ANKRD36: variants seen among roughly 807,000 people sequenced by gnomAD.
The protein encoded by ANKRD36 is ankyrin repeat domain-containing protein 36A.
ANKRD36 carries 179 observed loss-of-function variants against 278.1 expected under a neutral mutation model. The observed-to-expected ratio is 0.64, with a 90% CI of 0.57 to 0.73. ANKRD36 has a LOEUF of 0.73. ANKRD36 is among the 30% of genes least tolerant of loss of function. The probability of loss-of-function intolerance (pLI) is 0.00; values close to 1 mark genes in which losing one functional copy is unlikely to be tolerated. For synonymous variants in ANKRD36, 320 were observed against 641.1 expected, an observed-to-expected ratio of 0.50 and a Z score of 7.57; for missense variants, 1,159 against 1,956.7, an observed-to-expected ratio of 0.59 and a Z score of 7.69.
intron 6 of ANKRD36, among the ~76,000 whole-genome samples, chr2:97,141,625 T>C (rs2042932860): frequency 7.2e-6 from 1 of 138,360 alleles, no homozygotes; most frequent in Middle Eastern, 3.5e-3. Flanking sequence ...TTTGTTACTA[T>C]TGGGAATCAG....
At chr2:97,171,108 G>A (rs1184101539) in intron 22 of ANKRD36, among the ~76,000 whole-genome samples, 2 of 138,056 alleles carry the variant, frequency 1.4e-5, no homozygotes, top group African/African-American at 2.7e-5. Context: ...TGGTGGGACT[G>A]TAAACTAGTT....
In ANKRD36 at chr2:97,211,434, G is replaced by C. The variant is rs1440905662; in HGVS notation, c.3368-112G>C. On this transcript the variant is annotated intron_variant, in intron 56 of 75. Coordinates refer to ENST00000420699, the MANE Select transcript of ANKRD36 (RefSeq NM_001354587.1). ...CAGACACAAAGTAGAAGCCGTCAAG[G>C]CCTACACTAATACAGGCTGGGGGAC... The C allele has an allele frequency of 3.4e-6, 5 of 1,489,038 alleles. No homozygotes were observed. In the African/African-American group the frequency reaches 5.6e-5, roughly 17 times the overall value. 92.2% of individuals were successfully genotyped at this position (1,489,038 alleles called of 1,614,324 possible).
In ANKRD36 at chr2:97,198,698, A is replaced by C. The variant is rs1345613710; in HGVS notation, c.2755+40A>C. 6 of 1,513,932 alleles carry C rather than the reference A, an allele frequency of 4.0e-6. No homozygotes were observed. In the African/African-American group the frequency reaches 8.3e-5, roughly 21 times the overall value. 93.8% of individuals were successfully genotyped at this position (1,513,932 alleles called of 1,614,324 possible). ...AGATTTAATGTCATGTTCAGTGCAG[A>C]TAGATAAGAAGTTCTCTTCCCTGAA... is the stretch of plus-strand genomic sequence containing the variant. On this transcript the variant is annotated intron_variant, in intron 44 of 75. Transcript: ENST00000420699.
At chr2:97,203,927 TC>T in intron 48 of ANKRD36, 140 bp from the exon 49 acceptor site, 1 of 1,356,078 alleles carries the variant, frequency 7.4e-7, no homozygotes, top group Non-Finnish European at 1.0e-6. Context: ...CACGTTCTAA[TC>T]CCCAGACCAA....
intron 44 of ANKRD36, among the ~76,000 whole-genome samples, chr2:97,199,859 A>C (rs1202180489): frequency 6.6e-6 from 1 of 151,908 alleles, no homozygotes; most frequent in African/African-American, 2.4e-5. Flanking sequence ...GTTCAACTGG[A>C]GTGTCATCGT....
In ANKRD36 at chr2:97,149,303, A is replaced by T. The variant is rs896660763; in HGVS notation, c.1043A>T (p.Tyr348Phe). The change falls in exon 12 of 76, where the codon TAC (tyrosine) becomes TTC (phenylalanine). Residue 348 changes from tyrosine (Y) to phenylalanine (F), a missense_variant. Transcript: ENST00000420699. ...AVEQCLNRSL[Y>F]RPDAVAQPVT... The stretch of plus-strand genomic sequence containing the variant: ...ATCTTTTTGCTCTGTAGGAGTCTCT[A>T]CAGACCTGATGCTGTTGCACAGCCT... 6.5e-7 allele frequency: 1 copy of T among 1,534,214 alleles called. No homozygotes were observed. The highest frequency in any genetic ancestry group is 8.7e-7 in the Non-Finnish European group (1 of 1,145,440).
intron 17 of ANKRD36, 45 bp from the exon 18 acceptor site, chr2:97,162,054 A>C: frequency 6.9e-7 from 1 of 1,442,992 alleles, no homozygotes. Flanking sequence ...CTGATTGAGT[A>C]GTAAATATAA....
chr2:97,224,606 C>G (rs1174872806), intron 66 of ANKRD36, among the ~76,000 whole-genome samples, 200 bp from the exon 67 acceptor site: 1 of 151,990 alleles, frequency 6.6e-6, no homozygotes, highest in Non-Finnish European at 1.5e-5. Flanking sequence ...CCCGCCACCA[C>G]GCCCAGCTAA....
chr2:97,129,322 G>A (rs1286677161), intron 6 of ANKRD36, among the ~76,000 whole-genome samples: 1 of 151,896 alleles, frequency 6.6e-6, no homozygotes, highest in Non-Finnish European at 1.5e-5. Context: ...GGGGTTGTTT[G>A]TTTTTTTCTT....
Position 97,219,234 on chromosome 2 carries a change from A to G in ANKRD36, c.3865A>G (p.Thr1289Ala). The change falls in exon 66 of 76, where the codon ACA becomes GCA. Residue 1289 changes from threonine (T) to alanine (A), a missense_variant. Transcript: ENST00000420699. ...AGCCACCAAAATGAAGGATGTACAA[A>G]CATCCACACCAGGTAAACTTTGCAT... is the stretch of plus-strand genomic sequence containing the variant. ...NTATKMKDVQ[T>A]STPAEQDLEM... The G allele has an allele frequency of 6.4e-7, 1 of 1,570,666 alleles. No individual in the cohort carries two copies. The highest frequency in any genetic ancestry group is 2.4e-5 in the East Asian group (1 of 42,118).
intron 18 of ANKRD36, chr2:97,163,765 CG>C (rs2049846097): frequency 3.6e-6 from 1 of 278,666 alleles, no homozygotes; most frequent in Non-Finnish European, 4.6e-6. Flanking sequence ...TTAGTAGAGA[CG>C]GGGTTTCACC....
intron 62 of ANKRD36, 122 bp from the exon 63 acceptor site, chr2:97,217,055 A>G (rs772626325): frequency 4.4e-5 from 67 of 1,522,296 alleles, no homozygotes; most frequent in Middle Eastern, 2.3e-4. Context: ...ACAAAGTAGG[A>G]AACATCAAAT....
At position 97,179,700 on chromosome 2, in the gene ANKRD36, T is replaced by A. The variant is rs754264389; in HGVS notation, c.1634-38T>A. The stretch of plus-strand genomic sequence containing the variant: ...TTATGTATGGATAACATTATCATAT[T>A]TACATATGATTGATTATGTATCCCT... On this transcript the variant is annotated intron_variant, in intron 22 of 75. Transcript: ENST00000420699. The A allele has an allele frequency of 1.3e-5, 20 of 1,591,226 alleles. No homozygotes were observed. In the East Asian group the frequency reaches 4.5e-4, roughly 36 times the overall value.
At chr2:97,232,866 A>T (rs1250046120) in intron 67 of ANKRD36, among the ~76,000 whole-genome samples, 2 of 152,202 alleles carry the variant, frequency 1.3e-5, no homozygotes, top group South Asian at 4.2e-4. Flanking sequence ...ATAAAAGAAG[A>T]CAAATAGGTT....
At chr2:97,205,539 G>A (rs1322628285) in intron 50 of ANKRD36, among the ~76,000 whole-genome samples, 1 of 151,514 alleles carries the variant, frequency 6.6e-6, no homozygotes, top group Non-Finnish European at 1.5e-5. Flanking sequence ...TAGTATAATT[G>A]TGTAAATCCT....
At chr2:97,206,011 G>A (rs1275333815) in intron 51 of ANKRD36, 43 bp downstream of exon 51, 1 of 1,545,018 alleles carries the variant, frequency 6.5e-7, no homozygotes, top group South Asian at 1.2e-5. Flanking sequence ...TTAATATATG[G>A]TCTATGAAAC....
At chr2:97,173,807 A>G (rs2053411476) in intron 22 of ANKRD36, among the ~76,000 whole-genome samples, 1 of 151,590 alleles carries the variant, frequency 6.6e-6, no homozygotes, top group Admixed American at 6.6e-5. Context: ...ACAGGGTCTC[A>G]TTTCTTCTCC....
At chr2:97,227,886 G>A (rs1455510686) in intron 67 of ANKRD36, among the ~76,000 whole-genome samples, 1 of 152,126 alleles carries the variant, frequency 6.6e-6, no homozygotes, top group Non-Finnish European at 1.5e-5. Context: ...TGCATCTATT[G>A]AGATAATCAT....
intron 24 of ANKRD36, among the ~76,000 whole-genome samples, 174 bp downstream of exon 24, chr2:97,180,107 A>G (rs2055702888): frequency 6.6e-6 from 1 of 151,574 alleles, no homozygotes; most frequent in Admixed American, 6.6e-5. Context: ...GTCCTTGGTC[A>G]TGATCTGAGT....
Sources: allele counts gnomAD v4.1 joint callset (sites outside exome capture counted in the v4.1 genomes callset), GRCh38; gene constraint gnomAD v4.1.1; transcripts MANE v1.5; gene names NCBI Gene and HGNC (gene_info 2026-07-23, HGNC 2026-07-21).